The following CLTRN variants were observed in gnomAD, a reference collection of about 807,000 sequenced individuals.
CLTRN encodes the protein collectrin.
Under a neutral mutation model 14.5 loss-of-function variants are expected in CLTRN, and 12 were observed. The ratio of observed to expected loss-of-function variants is 0.83; its 90% CI spans 0.53 to 1.34. The LOEUF (loss-of-function observed/expected upper bound fraction) is 1.34. Ranked by LOEUF, CLTRN falls within the 40% of genes most tolerant of loss-of-function variation. CLTRN has a pLI of 0.00. For synonymous variants in CLTRN, 58 were observed against 56.5 expected (o/e 1.03, Z -0.12); for missense variants, 154 against 165.1 (o/e 0.93, Z 0.37).
intron 5 of CLTRN, among the ~76,000 whole-genome samples, chrX:15,629,909 G>A (rs1298186243): frequency 1.8e-5 from 2 of 111,039 alleles, no homozygotes; most frequent in South Asian, 3.8e-4. Flanking sequence ...TTCCAGCCCC[G>A]CCCCCTCCAA....
chrX:15,647,532 G>A (rs1462281099), intron 3 of CLTRN, among the ~76,000 whole-genome samples: 3 of 79,620 alleles, frequency 3.8e-5, no homozygotes, highest in African/African-American at 1.5e-4. Context: ...TTTCTTGGTG[G>A]GGGGGGGAGG....
intron 5 of CLTRN, among the ~76,000 whole-genome samples, chrX:15,628,417 AAT>A (rs1928614307): frequency 8.9e-6 from 1 of 112,155 alleles, no homozygotes; most frequent in Admixed American, 9.4e-5. Flanking sequence ...TATGTATATG[AAT>A]ATGAGTGTAT....
chrX:15,633,554 T>G (rs1324444612), intron 5 of CLTRN, among the ~76,000 whole-genome samples: 1 of 112,936 alleles, frequency 8.9e-6, no homozygotes, highest in Non-Finnish European at 1.9e-5. Context: ...ATTTGTTATA[T>G]TCGCTATGAC....
At chrX:15,652,834 G>A (rs1278396580) in intron 3 of CLTRN, among the ~76,000 whole-genome samples, 1 of 111,601 alleles carries the variant, frequency 9.0e-6, no homozygotes, top group Non-Finnish European at 1.9e-5. Flanking sequence ...TGTAATCCCA[G>A]GACTCTCGAG....
Position 15,639,681 on chromosome X carries a change from T to C in CLTRN, c.393A>G (p.Thr131=). The change falls in exon 5 of 6, where the codon ACA becomes ACG. Residue 131 remains threonine, a synonymous_variant. Transcript: ENST00000380342. ...CAGATGGGTCCATGGGTGGTGCAAGTGTGGAAGGGATTTTTAAAAATTCCA... is the reference window on the plus strand; with the variant it reads ...CAGATGGGTCCATGGGTGGTGCAAGCGTGGAAGGGATTTTTAAAAATTCCA... The part of the protein sequence containing the change: ...QTLEFLKIPS[T]LAPPMDPSVP... The C allele has an allele frequency of 8.3e-7, 1 of 1,210,084 alleles. No homozygotes were observed. Among genetic ancestry groups the C allele is most frequent in the Non-Finnish European group, 1.1e-6 (1 of 894,629 alleles).
chrX:15,630,782 G>A (rs1429938655), intron 5 of CLTRN, among the ~76,000 whole-genome samples: 1 of 111,908 alleles, frequency 8.9e-6, no homozygotes, highest in African/African-American at 3.3e-5. Flanking sequence ...GCAAGCATCA[G>A]CAATCAGCAA....
intron 3 of CLTRN, among the ~76,000 whole-genome samples, chrX:15,650,000 C>T (rs1356398774): frequency 9.6e-6 from 1 of 104,422 alleles, no homozygotes; most frequent in Non-Finnish European, 2.0e-5. Flanking sequence ...TTCTCAATAG[C>T]ACCATTAACA....
chrX:15,640,731 AT>A (rs1044680821), intron 4 of CLTRN, among the ~76,000 whole-genome samples: 5 of 112,836 alleles, frequency 4.4e-5, no homozygotes, highest in African/African-American at 1.3e-4. Flanking sequence ...TGATCTTGAT[AT>A]TTTTTTCATT....
intron 3 of CLTRN, among the ~76,000 whole-genome samples, chrX:15,650,307 G>C (rs1305259297): frequency 1.8e-5 from 2 of 109,823 alleles, no homozygotes; most frequent in Non-Finnish European, 3.8e-5. Context: ...TATTTAAAAA[G>C]TTGCCTGGGC....
At chrX:15,646,458 A>ACCCCCCCCCCCCCCCCCCCCCCCCCC in intron 3 of CLTRN, 72 of 228,708 alleles carry the variant, frequency 3.1e-4, no homozygotes, top group Non-Finnish European at 3.9e-4. Flanking sequence ...AAAACCGCGC[A>ACCCCCCCCCCCCCCCCCCCCCCCCCC]CCCACCCCCC....
chrX:15,655,357 C>A (rs1377552507), intron 3 of CLTRN, among the ~76,000 whole-genome samples: 2 of 112,294 alleles, frequency 1.8e-5, no homozygotes, highest in Non-Finnish European at 3.8e-5. Context: ...TCAGAATGCT[C>A]CTGTGGGGCC....
chrX:15,636,497 C>T (rs1438912018), intron 5 of CLTRN, among the ~76,000 whole-genome samples: 3 of 111,743 alleles, frequency 2.7e-5, no homozygotes, highest in Non-Finnish European at 5.7e-5. Context: ...TTGATTTAGC[C>T]ATTTCATAAT....
upstream of CLTRN, among the ~76,000 whole-genome samples, chrX:15,668,375 A>C: frequency 8.9e-6 from 1 of 112,538 alleles, no homozygotes; most frequent in Middle Eastern, 4.6e-3. Context: ...TGATACGAGC[A>C]TTATATTTGT....
chrX:15,659,190 CTCCACA>C, intron 2 of CLTRN, 89 bp from the exon 3 acceptor site: 2 of 390,735 alleles, frequency 5.1e-6, no homozygotes, highest in African/African-American at 2.6e-5. Flanking sequence ...CTCTCTCTCT[CTCCACA>C]CACACACACA....
chrX:15,636,777 C>G (rs1311068158), intron 5 of CLTRN, among the ~76,000 whole-genome samples: 1 of 111,457 alleles, frequency 9.0e-6, no homozygotes, highest in Non-Finnish European at 1.9e-5. Context: ...TTAGTGCACA[C>G]TATATCCTAG....
chrX:15,667,384 G>A (rs759277144), upstream of CLTRN, among the ~76,000 whole-genome samples: 2 of 112,554 alleles, frequency 1.8e-5, no homozygotes, highest in South Asian at 7.3e-4. Context: ...ATAGAACACT[G>A]AGTCTTAGTG....
intron 3 of CLTRN, among the ~76,000 whole-genome samples, chrX:15,656,789 A>G (rs763558538): frequency 2.7e-5 from 3 of 110,575 alleles, no homozygotes; most frequent in Non-Finnish European, 5.7e-5. Context: ...TCGCTCGCCA[A>G]TTCATCCCCT....
rs188185434 is a variant in CLTRN, at chrX:15,656,035, T to C, written c.203+2981A>G. Among the ~76,000 whole-genome samples the C allele has an allele frequency of 3.6e-4, 40 of 111,657 alleles. 1 individual carries two copies. The East Asian group carries it at 0.011, about 30-fold the overall frequency. ...CTGCACAGGAACCCATTCCCAGCCC[T>C]GTTCAAGTCCTAGGGGAGTGGAAAT... is the stretch of plus-strand genomic sequence containing the variant. On this transcript the variant is annotated intron_variant, in intron 3 of 5. Transcript: ENST00000380342.
upstream of CLTRN, among the ~76,000 whole-genome samples, chrX:15,665,708 G>A (rs1929607717): frequency 8.9e-6 from 1 of 112,193 alleles, no homozygotes; most frequent in Non-Finnish European, 1.9e-5. Context: ...GGCACATGTG[G>A]CTACTGACTA....
Sources: gnomAD v4.1 joint callset for allele counts (sites outside exome capture counted in the v4.1 genomes callset) on GRCh38, gnomAD v4.1.1 for gene constraint, MANE v1.5 for transcripts, NCBI Gene and HGNC (gene_info 2026-07-23, HGNC 2026-07-21) for gene names.